Variants in ZNF675 observed in about 807,000 individuals in gnomAD.
The protein encoded by ZNF675 is TRAF6 inhibitory zinc finger.
Under a neutral mutation model 56.1 loss-of-function variants are expected in ZNF675, and 36 were observed. That is an observed-to-expected ratio of 0.64 (90% CI 0.49 to 0.85). The LOEUF is 0.85. Among genes scored for constraint, ZNF675 ranks in the 40% least tolerant of loss-of-function variants. The probability of loss-of-function intolerance (pLI) is 0.00; values close to 1 mark genes in which losing one functional copy is unlikely to be tolerated. For synonymous variants in ZNF675, 200 were observed against 218.9 expected (o/e 0.91, Z 0.76); for missense variants, 663 against 654.2 (o/e 1.01, Z -0.15).
rs1968450629 is a variant in ZNF675, at chr19:23,686,934, G to C, written c.3+97C>G. 1.5e-5 allele frequency: 22 copies of C among 1,447,014 alleles called. No individual in the cohort carries two copies. The South Asian group carries it at 2.3e-4, about 15-fold the overall frequency. The allele number at this position is 1,447,014 out of a possible 1,614,324, so 89.6% of individuals were successfully genotyped here. A position where few individuals can be genotyped will look rare whatever the true frequency, so the allele number is the denominator to read the frequency against. On this transcript the variant is annotated intron_variant, in intron 1 of 3. Transcript: ENST00000359788. ...GAGAACTCGGGGTGCAGATTGTGGA[G>C]CTGACTGCGGGGAGGCCTGAGTCCC...
chr19:23,663,725 T>C (rs188960642), intron 1 of ZNF675, among the ~76,000 whole-genome samples: 117 of 152,234 alleles, frequency 7.7e-4, no homozygotes, highest in African/African-American at 2.8e-3. Context: ...CTCAAAAAAA[T>C]ACATAATTAA....
intron 3 of ZNF675, among the ~76,000 whole-genome samples, chr19:23,658,835 A>ATC (rs1968027345): frequency 1.4e-5 from 2 of 144,830 alleles, no homozygotes; most frequent in African/African-American, 5.3e-5. Context: ...CTCTATAGAT[A>ATC]TATAGATATA....
chr19:23,663,579 C>CT (rs1451447664), intron 1 of ZNF675, among the ~76,000 whole-genome samples: 1 of 152,086 alleles, frequency 6.6e-6, no homozygotes, highest in African/African-American at 2.4e-5. Flanking sequence ...GTAATCCCAG[C>CT]TACTCAGGAG....
intron 3 of ZNF675, among the ~76,000 whole-genome samples, chr19:23,659,699 G>C (rs12609935): frequency 0.35 from 53,732 of 151,914 alleles, 10,177 homozygotes; most frequent in East Asian, 0.65. Flanking sequence ...CTAGGAAATG[G>C]CCCACCCAAC....
Position 23,653,998 on chromosome 19 carries a change from T to C in ZNF675, c.935A>G (p.Tyr312Cys), listed in dbSNP as rs1400504784. The C allele has an allele frequency of 5.0e-6, 8 of 1,613,796 alleles. No homozygotes were observed. Among genetic ancestry groups the C allele is most frequent in the Middle Eastern group, 1.6e-4 (1 of 6,084 alleles). The change falls in exon 4 of 4, where the codon TAC becomes TGC. Residue 312 changes from tyrosine to cysteine, a missense_variant. Around this residue, in one of 3 missense-constraint regions of ZNF675, gnomAD observed 617 missense variants for 590.5 expected, o/e 1.04. Coordinates refer to ENST00000359788, the MANE Select transcript of ZNF675 (RefSeq NM_138330.3). ...AGCCTTGCCACATTCTTCACATATG[T>C]AGGGTTGCTCTCCAGTATGAATTTT... ...HKKIHTGEQPYICEECGKAFT... is the reference protein window; with the variant it reads ...HKKIHTGEQPCICEECGKAFT...
At chr19:23,667,942 T>C (rs1968175587) in intron 1 of ZNF675, among the ~76,000 whole-genome samples, 1 of 149,292 alleles carries the variant, frequency 6.7e-6, no homozygotes, top group Admixed American at 6.7e-5. Context: ...ATCCCTGAGC[T>C]AGACATAAAG....
intron 1 of ZNF675, among the ~76,000 whole-genome samples, chr19:23,674,445 C>A (rs1352015639): frequency 1.3e-5 from 2 of 151,128 alleles, no homozygotes; most frequent in Non-Finnish European, 2.9e-5. Flanking sequence ...GAGTTCAAGA[C>A]CAGCCTGGCC....
intron 1 of ZNF675, among the ~76,000 whole-genome samples, chr19:23,672,166 C>A (rs1968234188): frequency 2.3e-5 from 1 of 44,142 alleles, no homozygotes; most frequent in African/African-American, 9.3e-5. Context: ...TTAGTTAGCT[C>A]TTGGGTTTAA....
At position 23,678,181 on chromosome 19, in the gene ZNF675, G is replaced by C. The variant is rs73551122; in HGVS notation, c.3+8850C>G. On this transcript the variant is annotated intron_variant, in intron 1 of 3. Transcript: ENST00000359788. ...GAAAATCATTTTGTGCTCATTGATA[G>C]AAAAGTTCGGTATTAATATGGCCAT... Among the ~76,000 whole-genome samples the C allele has an allele frequency of 4.9e-4, 74 of 151,314 alleles. 2 individuals carry two copies. Among genetic ancestry groups the C allele is most frequent in the African/African-American group, 1.7e-3 (68 of 40,934 alleles).
At chr19:23,660,824 T>TA (rs1291191192) in intron 3 of ZNF675, among the ~76,000 whole-genome samples, 2 of 151,838 alleles carry the variant, frequency 1.3e-5, no homozygotes, top group Admixed American at 6.6e-5. Context: ...TTCACAGTAA[T>TA]AAAAAATATA....
chr19:23,673,434 A>C (rs2144943275), intron 1 of ZNF675, among the ~76,000 whole-genome samples: 1 of 152,338 alleles, frequency 6.6e-6, no homozygotes, highest in East Asian at 1.9e-4. Flanking sequence ...TGAAGTTCGT[A>C]GAAATCTGGC....
chr19:23,679,626 G>T (rs1227327547), intron 1 of ZNF675, among the ~76,000 whole-genome samples: 1 of 150,676 alleles, frequency 6.6e-6, no homozygotes. Flanking sequence ...TTTGACAAAG[G>T]TCTAATATCC....
chr19:23,656,623 C>CAT (rs34035813), intron 3 of ZNF675: 1 of 149,600 alleles, frequency 6.7e-6, no homozygotes, highest in Admixed American at 6.7e-5. Context: ...TATACACACA[C>CAT]ACACACACAC....
chr19:23,663,168 A>G lies in ZNF675; in HGVS notation c.4-10T>C, dbSNP rs754438535. The G allele has an allele frequency of 4.4e-6, 7 of 1,600,220 alleles. No homozygotes were observed. The highest frequency in any genetic ancestry group is 6.0e-6 in the Non-Finnish European group (7 of 1,174,006). On this transcript the variant is annotated splice_polypyrimidine_tract_variant and intron_variant, in intron 1 of 3. Transcript: ENST00000359788. ...TAAATGTCAACAGTCCCTGAAAAAC[A>G]CATACACACAAACATATTCACCAGG...
intron 1 of ZNF675, among the ~76,000 whole-genome samples, chr19:23,677,858 G>A (rs1309950819): frequency 2.0e-5 from 3 of 151,708 alleles, no homozygotes; most frequent in East Asian, 3.9e-4. Flanking sequence ...AGTGGCTCAC[G>A]CCTGTAATCC....
chr19:23,684,780 G>C (rs1020108251), intron 1 of ZNF675, among the ~76,000 whole-genome samples: 1 of 152,158 alleles, frequency 6.6e-6, no homozygotes, highest in Admixed American at 6.5e-5. Context: ...CTCAGTGACT[G>C]CCCCAAGTGC....
intron 1 of ZNF675, among the ~76,000 whole-genome samples, chr19:23,677,189 A>G (rs1464816670): frequency 1.3e-5 from 2 of 151,802 alleles, no homozygotes; most frequent in African/African-American, 4.9e-5. Flanking sequence ...TGGCTGAGCA[A>G]TCAGGCAAGC....
At chr19:23,666,392 A>AC (rs1218297451) in intron 1 of ZNF675, among the ~76,000 whole-genome samples, 1 of 152,250 alleles carries the variant, frequency 6.6e-6, no homozygotes, top group Non-Finnish European at 1.5e-5. Context: ...TCTTCCTGCA[A>AC]CTAATCAGAG....
At chr19:23,658,172 A>C (rs1316265653) in intron 3 of ZNF675, among the ~76,000 whole-genome samples, 1 of 151,908 alleles carries the variant, frequency 6.6e-6, no homozygotes, top group African/African-American at 2.4e-5. Context: ...CAGACTCGGC[A>C]ACACGGTGAA....
Sources: gnomAD v4.1 joint callset for allele counts (sites outside exome capture counted in the v4.1 genomes callset) on GRCh38, gnomAD v4.1.1 for gene constraint, gnomAD v4.1.1 regional missense constraint, MANE v1.5 for transcripts, NCBI Gene and HGNC (gene_info 2026-07-23, HGNC 2026-07-21) for gene names.